The following TENM4 variants were observed in gnomAD, a reference collection of about 807,000 sequenced individuals.
TENM4 encodes the protein teneurin transmembrane protein 4.
A neutral mutation model predicts 243.3 loss-of-function variants in TENM4; 82 were observed. That is an observed-to-expected ratio of 0.34 (90% CI 0.28 to 0.40). The LOEUF is 0.40. Ranked by LOEUF, TENM4 falls within the 10% of genes least tolerant of loss-of-function variation. The probability of loss-of-function intolerance (pLI) is 1.00; values close to 1 mark genes in which losing one functional copy is unlikely to be tolerated. For synonymous variants in TENM4, 1,412 were observed against 1,456.3 expected, an observed-to-expected ratio of 0.97 and a Z score of 0.69; for missense variants, 3,138 against 3,673.3, an observed-to-expected ratio of 0.85 and a Z score of 3.77.
intron 2 of TENM4, among the ~76,000 whole-genome samples, chr11:79,286,224 C>A (rs373380676): frequency 6.6e-6 from 1 of 152,058 alleles, no homozygotes; most frequent in Non-Finnish European, 1.5e-5. Context: ...AGAAAGGGAG[C>A]GAGAGAAAAT....
chr11:78,744,736 A>C (rs1187831884), intron 19 of TENM4, among the ~76,000 whole-genome samples: 1 of 152,210 alleles, frequency 6.6e-6, no homozygotes, highest in African/African-American at 2.4e-5. Context: ...AATCGCACAC[A>C]TGTGCTACCA....
In TENM4 at chr11:79,209,476, G is replaced by A. The variant is rs1176940280; in HGVS notation, c.-163+6332C>T. ...TGGCACCTTTTAAATTTCATCTTAG[G>A]TTCACTGCTCCTTCTTCTTCCCTAA... On this transcript the variant is annotated intron_variant, in intron 3 of 33. Transcript: ENST00000278550. Among the ~76,000 whole-genome samples, 3 of 152,162 alleles carry A rather than the reference G, an allele frequency of 2.0e-5. No individual in the cohort carries two copies. In the East Asian group the frequency reaches 5.8e-4, roughly 29 times the overall value.
At chr11:79,258,098 T>G (rs1028407757) in intron 2 of TENM4, among the ~76,000 whole-genome samples, 7 of 151,976 alleles carry the variant, frequency 4.6e-5, no homozygotes, top group Non-Finnish European at 1.0e-4. Flanking sequence ...AGGAGAGGGG[T>G]TTGGTGTCTT....
At chr11:79,387,346 C>T (rs1276493060) in intron 1 of TENM4, among the ~76,000 whole-genome samples, 2 of 152,094 alleles carry the variant, frequency 1.3e-5, no homozygotes, top group Non-Finnish European at 1.5e-5. Context: ...ATGAAAAATC[C>T]ACTGAGCTAT....
chr11:79,187,538 G>T (rs893988653), intron 3 of TENM4, among the ~76,000 whole-genome samples: 10 of 152,250 alleles, frequency 6.6e-5, no homozygotes, highest in Non-Finnish European at 8.8e-5. Flanking sequence ...TCCCATGACT[G>T]CCTCCCTAGG....
intron 2 of TENM4, among the ~76,000 whole-genome samples, chr11:79,255,576 G>A (rs748474448): frequency 6.6e-6 from 1 of 152,078 alleles, no homozygotes; most frequent in Non-Finnish European, 1.5e-5. Context: ...TAAAAATGAC[G>A]GCATACAGCT....
chr11:78,854,066 C>T lies in TENM4; in HGVS notation c.1681+38G>A, dbSNP rs571876614. 19 of 1,532,116 alleles carry T rather than the reference C, an allele frequency of 1.2e-5. No individual in the cohort carries two copies. In the African/African-American group the frequency reaches 2.6e-4, roughly 21 times the overall value. The allele number at this position is 1,532,116 out of a possible 1,614,324, so 94.9% of individuals were successfully genotyped here. A position where few individuals can be genotyped will look rare whatever the true frequency, so the allele number is the denominator to read the frequency against. Reference sequence around the variant, plus strand: ...CCATGCAGCCTCCGACCAAAAGAGACAATATCCCACAGCCCCCAGAGGGTG... The same window carrying T: ...CCATGCAGCCTCCGACCAAAAGAGATAATATCCCACAGCCCCCAGAGGGTG... On this transcript the variant is annotated intron_variant, in intron 12 of 33. Transcript: ENST00000278550.
intron 18 of TENM4, among the ~76,000 whole-genome samples, chr11:78,764,930 G>T (rs1856511968): frequency 6.6e-6 from 1 of 152,022 alleles, no homozygotes; most frequent in African/African-American, 2.4e-5. Flanking sequence ...ATAAAAAGGA[G>T]AATGGGGGTG....
At chr11:79,107,929 A>G (rs1397305116) in intron 4 of TENM4, among the ~76,000 whole-genome samples, 1 of 152,370 alleles carries the variant, frequency 6.6e-6, no homozygotes, top group East Asian at 1.9e-4. Context: ...ATCTGAAGCC[A>G]GGTTCCCAAA....
At chr11:78,667,313 C>T (rs1858181584) in intron 32 of TENM4, among the ~76,000 whole-genome samples, 1 of 152,152 alleles carries the variant, frequency 6.6e-6, no homozygotes, top group South Asian at 2.1e-4. Flanking sequence ...TGGAACTCTT[C>T]TTGAAAAAGG....
At chr11:79,131,815 C>A (rs1341081264) in intron 4 of TENM4, among the ~76,000 whole-genome samples, 2 of 152,032 alleles carry the variant, frequency 1.3e-5, no homozygotes, top group East Asian at 1.9e-4. Context: ...TAAGGACTCA[C>A]ATAAATTTAA....
intron 1 of TENM4, among the ~76,000 whole-genome samples, chr11:79,300,247 T>C (rs985974847): frequency 1.3e-5 from 2 of 152,252 alleles, no homozygotes; most frequent in Admixed American, 1.3e-4. Context: ...TTTAAGCTTT[T>C]TTGTATGAAT....
intron 2 of TENM4, among the ~76,000 whole-genome samples, chr11:79,228,856 A>G (rs1864324045): frequency 6.6e-6 from 1 of 152,232 alleles, no homozygotes; most frequent in Non-Finnish European, 1.5e-5. Context: ...GTTATAATGA[A>G]TGAACCAATA....
rs368774663 is a variant in TENM4, at chr11:79,432,148, T to C, written c.-321+8361A>G. The stretch of plus-strand genomic sequence containing the variant: ...GAATAGCTCTAGATTATCTAGTGCA[T>C]TGCTCAATAAATATTTATGAAGTAA... On this transcript the variant is annotated intron_variant, in intron 1 of 33. Transcript: ENST00000278550. 1.5e-4 allele frequency among the ~76,000 whole-genome samples: 23 copies of C among 152,332 alleles called. 1 individual carries two copies. The East Asian group carries it at 3.7e-3, about 24-fold the overall frequency.
chr11:78,948,145 T>C (rs1230488711), intron 6 of TENM4, among the ~76,000 whole-genome samples: 1 of 152,198 alleles, frequency 6.6e-6, no homozygotes, highest in African/African-American at 2.4e-5. Flanking sequence ...ATACTCTTCA[T>C]CTAAATCTGT....
chr11:79,076,348 AGGAAAAG>A (rs1348391296), intron 4 of TENM4: 1 of 152,598 alleles, frequency 6.6e-6, no homozygotes, highest in Non-Finnish European at 1.5e-5. Context: ...TACTTTATAC[AGGAAAAG>A]GGATTTAATG....
chr11:78,806,105 C>T (rs141616580), intron 14 of TENM4, among the ~76,000 whole-genome samples: 1 of 151,828 alleles, frequency 6.6e-6, no homozygotes, highest in East Asian at 1.9e-4. Flanking sequence ...GCCTGGGCAA[C>T]ACAGCGAGAT....
chr11:78,691,268 C>T (rs995226963), intron 28 of TENM4, among the ~76,000 whole-genome samples: 3 of 152,224 alleles, frequency 2.0e-5, no homozygotes, highest in Non-Finnish European at 1.5e-5. Flanking sequence ...CTGCCAGCAG[C>T]GTGACCCTGG....
chr11:78,803,813 C>T (rs536346114), intron 15 of TENM4, among the ~76,000 whole-genome samples: 16 of 152,262 alleles, frequency 1.1e-4, no homozygotes, highest in South Asian at 4.2e-4. Flanking sequence ...TGCAAGCCAG[C>T]GTAGCTTTAA....
Sources: allele counts gnomAD v4.1 joint callset (sites outside exome capture counted in the v4.1 genomes callset), GRCh38; gene constraint gnomAD v4.1.1; transcripts MANE v1.5; gene names NCBI Gene and HGNC (gene_info 2026-07-23, HGNC 2026-07-21).